Variants in KCNT1 observed in about 807,000 individuals in gnomAD.
The protein encoded by KCNT1 is potassium channel subfamily T member 1.
Under a neutral mutation model 147.8 loss-of-function variants are expected in KCNT1, and 78 were observed. The ratio of observed to expected loss-of-function variants is 0.53; its 90% CI spans 0.44 to 0.64. The LOEUF (loss-of-function observed/expected upper bound fraction) is 0.64, where lower values mean the gene tolerates loss of function less well. Ranked by LOEUF, KCNT1 falls within the 30% of genes least tolerant of loss-of-function variation. The probability of loss-of-function intolerance (pLI) is 0.00; values close to 1 mark genes in which losing one functional copy is unlikely to be tolerated. For missense variants in KCNT1, 1,419 were observed against 1,750.3 expected (o/e 0.81, Z 3.38); for synonymous variants, 867 against 748.8 (o/e 1.16, Z -2.58).
At chr9:135,786,571 G>A (rs1834070202) in intron 29 of KCNT1, 50 bp downstream of exon 29, 2 of 1,493,478 alleles carry the variant, frequency 1.3e-6, no homozygotes, top group South Asian at 2.6e-5. Flanking sequence ...CTGGGCCAGG[G>A]TCGGGCCACA....
In KCNT1 at chr9:135,743,909, C is replaced by T. The variant is rs573002554; in HGVS notation, c.255-6189C>T. On this transcript the variant is annotated intron_variant, in intron 2 of 30. Transcript: ENST00000371757. ...TGTGTGCCCTTTCTGGGCCCTTGGG[C>T]GTATCAGATGCTCTGTCCAGGCTCA... Among the ~76,000 whole-genome samples the T allele has an allele frequency of 5.9e-5, 9 of 152,350 alleles. No individual in the cohort carries two copies. In the South Asian group the frequency reaches 1.4e-3, roughly 25 times the overall value.
intron 18 of KCNT1, 55 bp downstream of exon 18, chr9:135,771,150 C>A: frequency 6.7e-7 from 1 of 1,497,700 alleles, no homozygotes. Flanking sequence ...GGCGGGAGAC[C>A]AGGCGGGACA....
chr9:135,755,741 T>C lies in KCNT1; in HGVS notation c.540+572T>C, dbSNP rs570952941. Among the ~76,000 whole-genome samples, 63 of 147,962 alleles carry C rather than the reference T, an allele frequency of 4.3e-4. 1 individual carries two copies. The highest frequency in any genetic ancestry group is 1.4e-3 in the African/African-American group (57 of 39,766). On this transcript the variant is annotated intron_variant, in intron 6 of 30. Coordinates refer to ENST00000371757, the MANE Select transcript of KCNT1 (RefSeq NM_020822.3). ...ATGCTGAGGACAAACCAAGACTCAG[T>C]AAACAGGTGACTCAGGGTCAGTGAG...
At chr9:135,787,373 C>T (rs1834143071) in intron 29 of KCNT1, among the ~76,000 whole-genome samples, 1 of 152,208 alleles carries the variant, frequency 6.6e-6, no homozygotes, top group African/African-American at 2.4e-5. Flanking sequence ...GGCCCCAGCT[C>T]CCCAGCACCG....
intron 2 of KCNT1, among the ~76,000 whole-genome samples, chr9:135,740,021 C>A (rs924672895): frequency 9.9e-5 from 15 of 152,124 alleles, no homozygotes; most frequent in African/African-American, 3.4e-4. Context: ...CTCCCCTTGG[C>A]TCGTAGACAC....
chr9:135,747,554 C>T lies in KCNT1; in HGVS notation c.255-2544C>T, dbSNP rs541381087. Among the ~76,000 whole-genome samples, 8 of 152,280 alleles carry T rather than the reference C, an allele frequency of 5.3e-5. No homozygotes were observed. The East Asian group carries it at 1.6e-3, about 30-fold the overall frequency. On this transcript the variant is annotated intron_variant, in intron 2 of 30. Transcript: ENST00000371757. ...GCATCCTGTCTGAGCGAAAGACATC[C>T]ATTCAGAGAGAAAGACGGCGGACAG...
intron 2 of KCNT1, among the ~76,000 whole-genome samples, chr9:135,731,987 TATATAGAG>T (rs1333866961): frequency 6.9e-4 from 15 of 21,842 alleles, no homozygotes; most frequent in African/African-American, 1.6e-3. Context: ...TATATATATA[TATATAGAG>T]AGAGAGAGAG....
chr9:135,785,205 C>T (rs945635550), intron 27 of KCNT1, 105 bp from the exon 28 acceptor site: 63 of 1,516,560 alleles, frequency 4.2e-5, no homozygotes, highest in Non-Finnish European at 3.6e-5. Context: ...CAGCAGGCAC[C>T]GTGCCCACCA....
intron 9 of KCNT1, among the ~76,000 whole-genome samples, chr9:135,757,807 A>G (rs551424946): frequency 7.2e-5 from 11 of 152,306 alleles, no homozygotes; most frequent in African/African-American, 2.4e-4. Context: ...GAGTGTCTCA[A>G]CATGGTCCCT....
At chr9:135,784,724 C>T (rs1300422322) in intron 26 of KCNT1, 37 bp from the exon 27 acceptor site, 16 of 1,609,614 alleles carry the variant, frequency 9.9e-6, no homozygotes, top group African/African-American at 4.0e-5. Flanking sequence ...TGGGTGCTGC[C>T]ACCTGCCCCA....
At chr9:135,748,253 C>T (rs1264410975) in intron 2 of KCNT1, among the ~76,000 whole-genome samples, 1 of 152,182 alleles carries the variant, frequency 6.6e-6, no homozygotes, top group Non-Finnish European at 1.5e-5. Context: ...TTCTTGAGCT[C>T]TGTAACCAGC....
chr9:135,784,967 C>CT (rs1202744259), intron 27 of KCNT1, 78 bp downstream of exon 27: 1 of 1,551,170 alleles, frequency 6.4e-7, no homozygotes, highest in African/African-American at 1.4e-5. Flanking sequence ...CTTCCGGGGG[C>CT]TGGGACTGTG....
chr9:135,750,257 C>G (rs775616309), intron 3 of KCNT1, 80 bp downstream of exon 3: 3 of 1,058,170 alleles, frequency 2.8e-6, no homozygotes, highest in Admixed American at 1.9e-5. Context: ...ATGGCGAAGG[C>G]TGGGGCTGTG....
chr9:135,766,308 G>T (rs1564364210), intron 13 of KCNT1, among the ~76,000 whole-genome samples: 1 of 151,472 alleles, frequency 6.6e-6, no homozygotes, highest in African/African-American at 2.4e-5. Flanking sequence ...TGGACCATCT[G>T]GGGTGGGCTG....
intron 16 of KCNT1, 78 bp from the exon 17 acceptor site, chr9:135,770,220 G>C: frequency 6.6e-7 from 1 of 1,505,746 alleles, no homozygotes; most frequent in South Asian, 1.3e-5. Flanking sequence ...GCAGAGGGGG[G>C]CACCTGCAGA....
intron 11 of KCNT1, among the ~76,000 whole-genome samples, chr9:135,762,054 G>A (rs1831950237): frequency 6.6e-6 from 1 of 152,374 alleles, no homozygotes; most frequent in African/African-American, 2.4e-5. Flanking sequence ...CCTGTTCCAT[G>A]TCCCTCTGCT....
rs551000571 is a variant in KCNT1, at chr9:135,731,277, G to A, written c.254+16557G>A. Among the ~76,000 whole-genome samples the A allele has an allele frequency of 1.7e-3, 253 of 152,260 alleles. 1 individual carries two copies. Among genetic ancestry groups the A allele is most frequent in the African/African-American group, 5.8e-3 (242 of 41,534 alleles). Reference sequence around the variant, plus strand: ...TCTCTGGGGATGGGTCTTTCAGCGCGGCTCGCGTTAGAATCTCAGTCGCCT... The same window carrying A: ...TCTCTGGGGATGGGTCTTTCAGCGCAGCTCGCGTTAGAATCTCAGTCGCCT... On this transcript the variant is annotated intron_variant, in intron 2 of 30. Transcript: ENST00000371757.
chr9:135,763,241 C>CAAATGACTG (rs1832034177), intron 11 of KCNT1, among the ~76,000 whole-genome samples: 1 of 152,230 alleles, frequency 6.6e-6, no homozygotes, highest in Admixed American at 6.5e-5. Flanking sequence ...CTGCCTCCTC[C>CAAATGACTG]GAATGACTGG....
rs1329985514 is a variant in KCNT1 at position 135,792,076 on chromosome 9, CCAG to C, written c.3628_3630del (p.Ser1211del). 6.2e-7 allele frequency: 1 copy of C among 1,604,158 alleles called. No individual in the cohort carries two copies. The highest frequency in any genetic ancestry group is 1.7e-5 in the Admixed American group (1 of 59,942). ...CGCTCCGACCCCCTGGCTCACGTGG[CCAG>C]CAGCTCCCAGAGCCGGAAGAGCAGC... On this transcript the variant is annotated inframe_deletion, in exon 31 of 31. Coordinates refer to ENST00000371757, the MANE Select transcript of KCNT1 (RefSeq NM_020822.3).
Sources: gnomAD v4.1 joint callset for allele counts (sites outside exome capture counted in the v4.1 genomes callset) on GRCh38, gnomAD v4.1.1 for gene constraint, MANE v1.5 for transcripts, NCBI Gene and HGNC (gene_info 2026-07-23, HGNC 2026-07-21) for gene names.